PXDNL: variants seen among roughly 807,000 people sequenced by gnomAD.
PXDNL encodes peroxidasin like.
In PXDNL, 145 loss-of-function variants were observed where a neutral mutation model predicts 150.8. The ratio of observed to expected loss-of-function variants is 0.96; its 90% CI spans 0.84 to 1.10. The LOEUF is 1.10. Among genes scored for constraint, PXDNL ranks in the 50% least tolerant of loss-of-function variants. The probability of loss-of-function intolerance (pLI) is 0.00; values close to 1 mark genes in which losing one functional copy is unlikely to be tolerated. For missense variants in PXDNL, 2,087 were observed against 1,873.9 expected (o/e 1.11, Z -2.10); for synonymous variants, 757 against 725.7 (o/e 1.04, Z -0.69).
intron 1 of PXDNL, among the ~76,000 whole-genome samples, chr8:51,747,503 T>C (rs903472156): frequency 3.3e-5 from 5 of 152,208 alleles, no homozygotes; most frequent in Admixed American, 6.5e-5. Context: ...ACATGTGGCA[T>C]GTTTAATGTG....
intron 6 of PXDNL, among the ~76,000 whole-genome samples, chr8:51,478,757 C>A (rs1434025039): frequency 6.6e-6 from 1 of 152,108 alleles, no homozygotes; most frequent in African/African-American, 2.4e-5. Context: ...GTAGGTGTAG[C>A]CCTCTATTGC....
intron 20 of PXDNL, among the ~76,000 whole-genome samples, chr8:51,341,941 T>TGGTATA (rs1805995300): frequency 6.6e-6 from 1 of 152,118 alleles, no homozygotes; most frequent in Non-Finnish European, 1.5e-5. Flanking sequence ...CATCTAGCAA[T>TGGTATA]CCCACGCCTG....
At chr8:51,383,463 T>C (rs1436137229) in intron 17 of PXDNL, among the ~76,000 whole-genome samples, 1 of 152,180 alleles carries the variant, frequency 6.6e-6, no homozygotes, top group Non-Finnish European at 1.5e-5. Flanking sequence ...ACCAAGCCCC[T>C]TTCTGTTGTG....
At chr8:51,706,140 T>C (rs7387633) in intron 1 of PXDNL, among the ~76,000 whole-genome samples, 1 of 152,096 alleles carries the variant, frequency 6.6e-6, no homozygotes, top group Admixed American at 6.5e-5. Flanking sequence ...GTGAAACCCC[T>C]TCTCTACTAA....
intron 2 of PXDNL, among the ~76,000 whole-genome samples, chr8:51,647,397 G>T (rs1028206155): frequency 1.3e-5 from 2 of 152,198 alleles, no homozygotes; most frequent in Non-Finnish European, 2.9e-5. Context: ...GTGAGTGATG[G>T]TAATTGTGCT....
intron 2 of PXDNL, among the ~76,000 whole-genome samples, chr8:51,604,179 G>A (rs1178911614): frequency 6.6e-6 from 1 of 152,090 alleles, no homozygotes; most frequent in Non-Finnish European, 1.5e-5. Flanking sequence ...AAATCATGCT[G>A]CTATAAAGAC....
At chr8:51,577,118 C>T (rs942453665) in intron 3 of PXDNL, among the ~76,000 whole-genome samples, 4 of 151,736 alleles carry the variant, frequency 2.6e-5, no homozygotes, top group Non-Finnish European at 5.9e-5. Flanking sequence ...AGAAAAATAA[C>T]AGAGAAAGAA....
At chr8:51,574,922 A>C (rs1180421484) in intron 3 of PXDNL, among the ~76,000 whole-genome samples, 1 of 152,078 alleles carries the variant, frequency 6.6e-6, no homozygotes, top group Non-Finnish European at 1.5e-5. Context: ...AAATTCTCTA[A>C]GAGGAAAGAA....
chr8:51,387,316 T>C (rs754011749), intron 17 of PXDNL, among the ~76,000 whole-genome samples: 2 of 152,182 alleles, frequency 1.3e-5, no homozygotes, highest in South Asian at 2.1e-4. Context: ...ATGTTAACTA[T>C]GGTAATAGAG....
chr8:51,403,955 T>C lies in PXDNL; in HGVS notation c.3557+4112A>G, dbSNP rs545494617. On this transcript the variant is annotated intron_variant, in intron 17 of 22. Coordinates refer to ENST00000356297, the MANE Select transcript of PXDNL (RefSeq NM_144651.5). ...TCGGACGTGTTCAGAGTTTCTTCCT[T>C]CTGGTGGGTTCGTGGTCTCACTGGC... Among the ~76,000 whole-genome samples the C allele has an allele frequency of 3.3e-5, 5 of 152,288 alleles. No individual in the cohort carries two copies. In the South Asian group the frequency reaches 1.0e-3, roughly 32 times the overall value.
chr8:51,587,549 A>G (rs1244436009), intron 3 of PXDNL, among the ~76,000 whole-genome samples: 5 of 151,592 alleles, frequency 3.3e-5, no homozygotes, highest in African/African-American at 1.2e-4. Context: ...TGTGTTTGGC[A>G]GGGTAAAACT....
In PXDNL at chr8:51,408,883, G is replaced by T; in HGVS notation, c.2741C>A (p.Ser914Ter). 1 of 1,601,942 alleles carries T rather than the reference G, an allele frequency of 6.2e-7. No homozygotes were observed. The highest frequency in any genetic ancestry group is 8.5e-7 in the Non-Finnish European group (1 of 1,174,314). ...ERESQALRDP[S>*]VPRGLLKTGF... ...TGTCTTCAGGAGACCCCGAGGCACC[G>T]AAGGGTCTCTGAGAGCCTGGGATTC... Residue 914 changes from serine to a stop codon, truncating the protein, a stop_gained, in exon 17 of 23, where the codon TCG becomes TAG. Coordinates refer to ENST00000356297, the MANE Select transcript of PXDNL (RefSeq NM_144651.5). LOFTEE classifies it high-confidence loss of function.
intron 21 of PXDNL, among the ~76,000 whole-genome samples, chr8:51,338,388 A>C (rs1805894178): frequency 6.6e-6 from 1 of 152,172 alleles, no homozygotes. Context: ...CAAAAGAAGC[A>C]ATCATATTTT....
In PXDNL at chr8:51,370,107, A is replaced by T. The variant is rs374640845; in HGVS notation, c.3901+1766T>A. 2.0e-5 allele frequency among the ~76,000 whole-genome samples: 3 copies of T among 152,258 alleles called. No homozygotes were observed. In the East Asian group the frequency reaches 5.8e-4, roughly 29 times the overall value. ...ACCTTAGAAAATGGATTTAGTTTCC[A>T]GGAGCCTTATTTTCCTCATATGTAA... On this transcript the variant is annotated intron_variant, in intron 19 of 22. Transcript: ENST00000356297.
At chr8:51,486,794 A>ATTTT (rs1195750381) in intron 5 of PXDNL, among the ~76,000 whole-genome samples, 4 of 24,714 alleles carry the variant, frequency 1.6e-4, no homozygotes, top group African/African-American at 3.5e-4. Context: ...ATATATATAT[A>ATTTT]TTTTTTTTTT....
chr8:51,384,449 G>C (rs540223004), intron 17 of PXDNL, among the ~76,000 whole-genome samples: 1 of 151,912 alleles, frequency 6.6e-6, no homozygotes, highest in African/African-American at 2.4e-5. Context: ...TTACTTGAAA[G>C]AAAATTTTCC....
At chr8:51,401,022 G>T (rs1808231299) in intron 17 of PXDNL, among the ~76,000 whole-genome samples, 1 of 152,176 alleles carries the variant, frequency 6.6e-6, no homozygotes, top group African/African-American at 2.4e-5. Context: ...GAGAGCAGCT[G>T]CTTTGTGCTA....
chr8:51,456,382 T>C (rs764641792), intron 9 of PXDNL, among the ~76,000 whole-genome samples: 7 of 152,152 alleles, frequency 4.6e-5, no homozygotes, highest in Non-Finnish European at 1.0e-4. Flanking sequence ...CCACTTGTTG[T>C]TGCTTTCAAC....
intron 1 of PXDNL, among the ~76,000 whole-genome samples, chr8:51,678,349 G>T (rs954034595): frequency 3.9e-5 from 6 of 152,116 alleles, no homozygotes; most frequent in African/African-American, 1.2e-4. Context: ...TACACATTTA[G>T]TCCACACCTA....
Sources: gnomAD v4.1 joint callset for allele counts (sites outside exome capture counted in the v4.1 genomes callset) on GRCh38, gnomAD v4.1.1 for gene constraint, MANE v1.5 for transcripts, NCBI Gene and HGNC (gene_info 2026-07-23, HGNC 2026-07-21) for gene names.